The following CEP63 variants were observed in gnomAD, a reference collection of about 807,000 sequenced individuals.
CEP63 encodes centrosomal protein of 63 kDa.
A neutral mutation model predicts 89.1 loss-of-function variants in CEP63; 84 were observed. That is an observed-to-expected ratio of 0.94 (90% CI 0.79 to 1.13). The LOEUF is 1.13. Among genes scored for constraint, CEP63 ranks in the 50% most tolerant of loss-of-function variants. The probability of loss-of-function intolerance (pLI) is 0.00; values close to 1 mark genes in which losing one functional copy is unlikely to be tolerated. For synonymous variants in CEP63, 267 were observed against 272.5 expected, an observed-to-expected ratio of 0.98 and a Z score of 0.20; for missense variants, 838 against 813.3, an observed-to-expected ratio of 1.03 and a Z score of -0.37.
At chr3:134,693,502 G>T in the CEP63 span, among the ~76,000 whole-genome samples, 1 of 152,218 alleles carries the variant, frequency 6.6e-6, no homozygotes, top group Non-Finnish European at 1.5e-5. Context: ...TCAGATTTCT[G>T]TTGCCAAACA....
intron 5 of CEP63, chr3:134,536,260 T>TG (rs1339013906): frequency 2.0e-5 from 3 of 152,234 alleles, no homozygotes; most frequent in Non-Finnish European, 4.4e-5. Flanking sequence ...GGACTAGGGT[T>TG]TTTGTTTGTT....
intron 5 of CEP63, 111 bp from the exon 6 acceptor site, chr3:134,537,044 G>T: frequency 1.3e-6 from 1 of 763,120 alleles, no homozygotes; most frequent in Non-Finnish European, 2.4e-6. Flanking sequence ...TGTGGAGAAA[G>T]GTGCAAGCGT....
intron 1 of CEP63, 132 bp downstream of exon 1, chr3:134,486,334 G>C: frequency 1.0e-6 from 1 of 985,526 alleles, no homozygotes; most frequent in Non-Finnish European, 1.2e-6. Flanking sequence ...CTGGCTTCGC[G>C]GCCTCATGGC....
chr3:134,708,120 T>C, the CEP63 span, among the ~76,000 whole-genome samples: 1 of 152,154 alleles, frequency 6.6e-6, no homozygotes, highest in Non-Finnish European at 1.5e-5. Context: ...AGGGCAGACA[T>C]TGTGAATCAA....
the CEP63 span, among the ~76,000 whole-genome samples, chr3:134,768,570 A>G: frequency 1.8e-4 from 28 of 152,278 alleles, no homozygotes; most frequent in Admixed American, 1.0e-3. Context: ...CAGGCATGGG[A>G]AACACTGGGA....
the CEP63 span, among the ~76,000 whole-genome samples, chr3:134,637,281 T>C: frequency 1.4e-4 from 21 of 152,236 alleles, no homozygotes; most frequent in Non-Finnish European, 1.0e-4. Flanking sequence ...CAGCAAATAC[T>C]TTCTGTGTGT....
chr3:134,497,338 C>T (rs890511798), intron 2 of CEP63, among the ~76,000 whole-genome samples: 2 of 152,072 alleles, frequency 1.3e-5, no homozygotes, highest in African/African-American at 2.4e-5. Context: ...AAATCTTTGC[C>T]TTGACCAGTG....
the CEP63 span, among the ~76,000 whole-genome samples, chr3:134,703,614 C>G: frequency 2.0e-5 from 3 of 151,400 alleles, no homozygotes; most frequent in South Asian, 2.1e-4. Flanking sequence ...ACAGTACACA[C>G]GGGGGCCTGT....
At chr3:134,776,709 G>C in the CEP63 span, among the ~76,000 whole-genome samples, 1 of 152,194 alleles carries the variant, frequency 6.6e-6, no homozygotes, top group African/African-American at 2.4e-5. Context: ...GGGTAGGGGT[G>C]CTGGAGGCCT....
the CEP63 span, among the ~76,000 whole-genome samples, chr3:134,695,547 C>A: frequency 6.6e-6 from 1 of 152,208 alleles, no homozygotes; most frequent in African/African-American, 2.4e-5. Context: ...TGGATCCTGG[C>A]AGGTGACGGC....
downstream of CEP63, among the ~76,000 whole-genome samples, chr3:134,577,630 T>C (rs183345452): frequency 4.6e-5 from 7 of 152,004 alleles, no homozygotes; most frequent in East Asian, 1.2e-3. Flanking sequence ...TTACTTTGAG[T>C]TCTGGAATAC....
chr3:134,666,900 C>T, the CEP63 span, among the ~76,000 whole-genome samples: 5 of 152,310 alleles, frequency 3.3e-5, no homozygotes, highest in Admixed American at 6.5e-5. Context: ...GGTCACAAAG[C>T]GAGTCAGTGG....
downstream of CEP63, among the ~76,000 whole-genome samples, chr3:134,591,686 T>C (rs1424100195): frequency 6.6e-6 from 1 of 151,406 alleles, no homozygotes; most frequent in Non-Finnish European, 1.5e-5. Context: ...TGAGACACCA[T>C]CTCTACAAAA....
At position 134,554,655 on chromosome 3, in the gene CEP63, C is replaced by T. The variant is rs1348583785; in HGVS notation, c.1467+2643C>T. ...CTAGTTCTAGATCCCTGAGGAATCG[C>T]CACACTGACTTCCACAATGGTTGAA... On this transcript the variant is annotated intron_variant, in intron 12 of 14. Transcript: ENST00000675561. Among the ~76,000 whole-genome samples the T allele has an allele frequency of 3.5e-3, 537 of 152,046 alleles. 1 individual carries two copies. Among genetic ancestry groups the T allele is most frequent in the Admixed American group, 5.6e-3 (85 of 15,266 alleles).
intron 12 of CEP63, 195 bp downstream of exon 12, chr3:134,552,207 T>C: frequency 2.6e-6 from 1 of 384,808 alleles, no homozygotes; most frequent in Non-Finnish European, 4.8e-6. Context: ...GGAAGGGTTT[T>C]TGTTTGTTTT....
At chr3:134,485,990 C>CGGGGG, upstream of CEP63, 2 of 837,678 alleles carry the variant, frequency 2.4e-6, no homozygotes, top group Non-Finnish European at 2.6e-6. Flanking sequence ...GCTCCTGCCA[C>CGGGGG]GCCCCCCCCC....
chr3:134,494,921 C>T (rs896510392), intron 1 of CEP63, among the ~76,000 whole-genome samples: 1 of 152,104 alleles, frequency 6.6e-6, no homozygotes, highest in African/African-American at 2.4e-5. Flanking sequence ...TATACTTTCC[C>T]TCTGACATGT....
the CEP63 span, among the ~76,000 whole-genome samples, chr3:134,658,031 G>A: frequency 6.6e-6 from 1 of 152,084 alleles, no homozygotes; most frequent in Non-Finnish European, 1.5e-5. Context: ...GGAGTAGCTG[G>A]GGCTACAGGT....
chr3:134,758,514 G>A, the CEP63 span, among the ~76,000 whole-genome samples: 2 of 152,190 alleles, frequency 1.3e-5, no homozygotes, highest in Non-Finnish European at 2.9e-5. Flanking sequence ...GAAGGTATGC[G>A]GGGTGGGTGT....
Sources: allele counts gnomAD v4.1 joint callset (sites outside exome capture counted in the v4.1 genomes callset), GRCh38; gene constraint gnomAD v4.1.1; transcripts MANE v1.5; gene names NCBI Gene and HGNC (gene_info 2026-07-23, HGNC 2026-07-21).